MTRF1: variants seen among roughly 807,000 people sequenced by gnomAD.
The protein encoded by MTRF1 is mitochondrial translation release factor 1, also known as peptide chain release factor 1, mitochondrial.
In MTRF1, 51 loss-of-function variants were observed where a neutral mutation model predicts 62.9. The observed-to-expected ratio is 0.81, with a 90% CI of 0.65 to 1.02. The LOEUF is 1.02. Among genes scored for constraint, MTRF1 ranks in the 50% least tolerant of loss-of-function variants. The pLI, the probability that MTRF1 is intolerant of heterozygous loss-of-function variation, is 0.00. For missense variants in MTRF1, 446 were observed against 530.0 expected (o/e 0.84, Z 1.56); for synonymous variants, 158 against 181.9 (o/e 0.87, Z 1.06).
At chr13:41,273,263 T>C in the MTRF1 span, among the ~76,000 whole-genome samples, 303 of 151,134 alleles carry the variant, frequency 2.0e-3, no homozygotes, top group African/African-American at 6.9e-3. Context: ...GTGGCGGAGG[T>C]TGCAGTGAGC....
chr13:41,269,185 G>GTTTTTTTTTTTTTTTTGTTTTTTT, the MTRF1 span, among the ~76,000 whole-genome samples: 1 of 96,464 alleles, frequency 1.0e-5, no homozygotes, highest in Non-Finnish European at 1.9e-5. Flanking sequence ...CTTTTACCTT[G>GTTTTTTTTTTTTTTTTGTTTTTTT]TTTTTTTTTT....
At chr13:41,246,842 T>C (rs973511499) in intron 5 of MTRF1, among the ~76,000 whole-genome samples, 1 of 152,242 alleles carries the variant, frequency 6.6e-6, no homozygotes, top group Non-Finnish European at 1.5e-5. Flanking sequence ...CTGTGACTTA[T>C]TTGGCATAGA....
At chr13:41,286,704 A>C in the MTRF1 span, among the ~76,000 whole-genome samples, 1 of 152,248 alleles carries the variant, frequency 6.6e-6, no homozygotes, top group East Asian at 1.9e-4. Context: ...CTAAGAGCAG[A>C]ATACTTCATT....
At chr13:41,246,241 T>C (rs944790) in intron 5 of MTRF1, among the ~76,000 whole-genome samples, 79,332 of 151,712 alleles carry the variant, frequency 0.52, 21,585 homozygotes, top group South Asian at 0.62. Context: ...TGGCAATTGG[T>C]GGTTTGTTTT....
chr13:41,238,229 G>T lies in MTRF1; in HGVS notation c.870+2032C>A, dbSNP rs112938383. 5.4e-3 allele frequency among the ~76,000 whole-genome samples: 827 copies of T among 152,206 alleles called. 8 individuals carry two copies. The highest frequency in any genetic ancestry group is 0.018 in the African/African-American group (745 of 41,524). The stretch of plus-strand genomic sequence containing the variant: ...TCTGAGGCAGGATAGTACAAAATGG[G>T]CCTGGGAATCTAACTGTGTCAGAAA... On this transcript the variant is annotated intron_variant, in intron 6 of 9. Transcript: ENST00000379480.
the MTRF1 span, among the ~76,000 whole-genome samples, chr13:41,278,724 A>T: frequency 6.6e-6 from 1 of 152,238 alleles, no homozygotes; most frequent in Admixed American, 6.5e-5. Flanking sequence ...TAGGATAAGA[A>T]CATAGATGAA....
chr13:41,270,674 G>A, the MTRF1 span, among the ~76,000 whole-genome samples: 4 of 152,076 alleles, frequency 2.6e-5, no homozygotes, highest in African/African-American at 9.7e-5. Flanking sequence ...AAATTAAAAT[G>A]AATGTAATTG....
At chr13:41,273,097 C>A in the MTRF1 span, among the ~76,000 whole-genome samples, 1 of 152,012 alleles carries the variant, frequency 6.6e-6, no homozygotes, top group African/African-American at 2.4e-5. Context: ...GAGGCCGAGG[C>A]GGGTGGATCA....
chr13:41,305,457 GACAA>G, the MTRF1 span, among the ~76,000 whole-genome samples: 13 of 152,164 alleles, frequency 8.5e-5, no homozygotes, highest in African/African-American at 2.6e-4. Flanking sequence ...CAAACAAACA[GACAA>G]ACAAAAAAAC....
the MTRF1 span, among the ~76,000 whole-genome samples, chr13:41,271,558 T>A: frequency 6.6e-6 from 1 of 152,184 alleles, no homozygotes; most frequent in African/African-American, 2.4e-5. Context: ...TCTTTCATGT[T>A]TTAGTTTCTC....
intron 5 of MTRF1, among the ~76,000 whole-genome samples, chr13:41,248,888 C>T (rs2139053398): frequency 6.6e-6 from 1 of 152,278 alleles, no homozygotes; most frequent in South Asian, 2.1e-4. Flanking sequence ...ACTTACACTA[C>T]ATATCTAGAG....
intron 5 of MTRF1, among the ~76,000 whole-genome samples, chr13:41,248,376 T>G (rs1311430298): frequency 6.6e-6 from 1 of 152,174 alleles, no homozygotes; most frequent in African/African-American, 2.4e-5. Context: ...CCTGCCTCAG[T>G]CTCCCAAAGT....
chr13:41,252,359 G>C (rs1030203565), intron 5 of MTRF1: 3 of 215,120 alleles, frequency 1.4e-5, no homozygotes, highest in South Asian at 1.7e-4. Context: ...TTCAATAATA[G>C]AGAAAAATGA....
the MTRF1 span, among the ~76,000 whole-genome samples, chr13:41,271,314 C>G: frequency 6.6e-6 from 1 of 152,120 alleles, no homozygotes; most frequent in African/African-American, 2.4e-5. Flanking sequence ...GCACAAAGAC[C>G]ATACTACTTC....
intron 9 of MTRF1, among the ~76,000 whole-genome samples, chr13:41,218,440 A>T (rs867086310): frequency 6.6e-6 from 1 of 152,006 alleles, no homozygotes; most frequent in African/African-American, 2.4e-5. Flanking sequence ...ATCTTTAAAC[A>T]TTATGTAAAC....
the MTRF1 span, among the ~76,000 whole-genome samples, chr13:41,291,812 T>C: frequency 1.3e-5 from 2 of 152,338 alleles, no homozygotes; most frequent in East Asian, 3.9e-4. Flanking sequence ...ATGCCACTTA[T>C]GATTTACTGC....
the MTRF1 span, among the ~76,000 whole-genome samples, chr13:41,300,476 C>T: frequency 6.6e-6 from 1 of 151,808 alleles, no homozygotes; most frequent in Admixed American, 6.6e-5. Flanking sequence ...GTCCCAGCTA[C>T]TCGGGAGGCT....
the MTRF1 span, among the ~76,000 whole-genome samples, chr13:41,310,368 G>A: frequency 6.6e-6 from 1 of 152,104 alleles, no homozygotes; most frequent in African/African-American, 2.4e-5. Flanking sequence ...AAGACCAGTG[G>A]CCTTATAAAA....
the MTRF1 span, among the ~76,000 whole-genome samples, chr13:41,299,197 A>G: frequency 6.6e-6 from 1 of 151,846 alleles, no homozygotes; most frequent in Non-Finnish European, 1.5e-5. Flanking sequence ...TATCTAAAAA[A>G]GAAAAAAAAA....
Sources: allele counts gnomAD v4.1 joint callset (sites outside exome capture counted in the v4.1 genomes callset), GRCh38; gene constraint gnomAD v4.1.1; transcripts MANE v1.5; gene names NCBI Gene and HGNC (gene_info 2026-07-23, HGNC 2026-07-21).